CDH18: variants seen among roughly 807,000 people sequenced by gnomAD.
CDH18 encodes cadherin 18, also known as cadherin-18.
A neutral mutation model predicts 67.9 loss-of-function variants in CDH18; 31 were observed. That is an observed-to-expected ratio of 0.46 (90% confidence interval 0.34 to 0.62). The LOEUF is 0.62. CDH18 is among the 20% of genes least tolerant of loss of function. The pLI is 0.01. For missense variants in CDH18, 890 were observed against 975.5 expected, an observed-to-expected ratio of 0.91 and a Z score of 1.17; for synonymous variants, 362 against 347.2, an observed-to-expected ratio of 1.04 and a Z score of -0.48.
At chr5:19,974,290 G>C (rs906092863) in intron 2 of CDH18, among the ~76,000 whole-genome samples, 1 of 151,934 alleles carries the variant, frequency 6.6e-6, no homozygotes, top group African/African-American at 2.4e-5. Flanking sequence ...CCACCAATTT[G>C]GGAGGCCGAG....
At chr5:19,976,334 G>GA (rs1479739129) in intron 2 of CDH18, among the ~76,000 whole-genome samples, 2 of 151,940 alleles carry the variant, frequency 1.3e-5, no homozygotes, top group African/African-American at 2.4e-5. Context: ...CATAATTACA[G>GA]AAAAAAGAGT....
At chr5:20,157,549 C>G (rs1375014988) in intron 2 of CDH18, among the ~76,000 whole-genome samples, 1 of 151,826 alleles carries the variant, frequency 6.6e-6, no homozygotes, top group Admixed American at 6.6e-5. Flanking sequence ...GTTTCCATCA[C>G]TCAAATATTA....
rs145954583 is a variant in CDH18 at position 20,167,629 on chromosome 5, T to C, written c.-518+87815A>G. On this transcript the variant is annotated intron_variant, in intron 2 of 14. Coordinates refer to the CDH18 transcript ENST00000507958. ...ATGGTTCACCCAGAGTTGGAATCATTAGAAGAGAGTGCATTTACAAAGGAC... is the reference window on the plus strand; with the variant it reads ...ATGGTTCACCCAGAGTTGGAATCATCAGAAGAGAGTGCATTTACAAAGGAC... Among the ~76,000 whole-genome samples, 46 of 152,216 alleles carry C rather than the reference T, an allele frequency of 3.0e-4. No individual in the cohort carries two copies. The East Asian group carries it at 5.0e-3, about 17-fold the overall frequency.
intron 1 of CDH18, among the ~76,000 whole-genome samples, chr5:20,508,613 A>T (rs1326727003): frequency 1.3e-5 from 2 of 151,896 alleles, no homozygotes; most frequent in Non-Finnish European, 1.5e-5. Flanking sequence ...CAGGAGGTAA[A>T]GAAATAAGTT....
intron 8 of CDH18, among the ~76,000 whole-genome samples, chr5:19,569,335 T>G (rs983910954): frequency 6.6e-6 from 1 of 152,174 alleles, no homozygotes; most frequent in Middle Eastern, 3.2e-3. Context: ...CTCAATTCAA[T>G]TTTCTTCAGC....
At chr5:19,688,105 C>T (rs1761371882) in intron 5 of CDH18, among the ~76,000 whole-genome samples, 1 of 152,186 alleles carries the variant, frequency 6.6e-6, no homozygotes, top group African/African-American at 2.4e-5. Context: ...GCTTAGGAGC[C>T]TAAGGGTTTT....
chr5:20,386,160 G>T (rs940808252), intron 1 of CDH18, among the ~76,000 whole-genome samples: 1 of 152,190 alleles, frequency 6.6e-6, no homozygotes, highest in Admixed American at 6.5e-5. Context: ...AATGAACAAC[G>T]TAGAGAGCAT....
chr5:19,755,720 A>C (rs1771519907), intron 3 of CDH18, among the ~76,000 whole-genome samples: 1 of 151,630 alleles, frequency 6.6e-6, no homozygotes, highest in South Asian at 2.1e-4. Context: ...AAGGAGAGCC[A>C]GTCCAAGTCC....
At chr5:19,542,721 G>A (rs958035204) in intron 9 of CDH18, among the ~76,000 whole-genome samples, 2 of 152,010 alleles carry the variant, frequency 1.3e-5, no homozygotes, top group Non-Finnish European at 2.9e-5. Flanking sequence ...AATTTATAGA[G>A]ACAGAAAGTC....
At chr5:19,618,514 G>A (rs1209793463) in intron 5 of CDH18, among the ~76,000 whole-genome samples, 3 of 152,044 alleles carry the variant, frequency 2.0e-5, no homozygotes, top group African/African-American at 7.2e-5. Context: ...CCTACTTTTG[G>A]TTCTTTTTCT....
intron 10 of CDH18, among the ~76,000 whole-genome samples, chr5:19,519,167 T>A (rs2126889449): frequency 6.6e-6 from 1 of 152,300 alleles, no homozygotes; most frequent in East Asian, 1.9e-4. Context: ...TTTGCTTAAA[T>A]AAGCCCTTTT....
intron 5 of CDH18, among the ~76,000 whole-genome samples, chr5:19,680,694 T>C (rs1376697585): frequency 6.6e-6 from 1 of 151,720 alleles, no homozygotes; most frequent in Non-Finnish European, 1.5e-5. Context: ...ATTAGAGAAA[T>C]GCAAATCAAA....
Position 19,614,002 on chromosome 5 carries a change from C to T in CDH18, c.644-1401G>A, listed in dbSNP as rs189561085. Among the ~76,000 whole-genome samples, 12 of 152,098 alleles carry T rather than the reference C, an allele frequency of 7.9e-5. No individual in the cohort carries two copies. In the East Asian group the frequency reaches 9.7e-4, roughly 12 times the overall value. On this transcript the variant is annotated intron_variant, in intron 5 of 12. Coordinates refer to ENST00000382275, the MANE Select transcript of CDH18 (RefSeq NM_004934.5). Reference sequence around the variant, plus strand: ...TACACCAATGACTTTCAATCAAACTCGCACTTGATTAGTTACAGTACAATT... The same window carrying T: ...TACACCAATGACTTTCAATCAAACTTGCACTTGATTAGTTACAGTACAATT...
chr5:19,755,364 C>T (rs2149683160), intron 3 of CDH18, among the ~76,000 whole-genome samples: 1 of 143,374 alleles, frequency 7.0e-6, no homozygotes, highest in South Asian at 2.2e-4. Flanking sequence ...ACCAGAGAAA[C>T]ACAAAAGTTC....
intron 2 of CDH18, among the ~76,000 whole-genome samples, chr5:20,084,885 T>G (rs925090915): frequency 4.6e-5 from 7 of 152,072 alleles, no homozygotes; most frequent in Non-Finnish European, 1.5e-5. Context: ...AGGAAACCAC[T>G]TTTTCCTCCT....
chr5:20,405,732 A>C (rs1475719660), intron 1 of CDH18, among the ~76,000 whole-genome samples: 2 of 152,200 alleles, frequency 1.3e-5, no homozygotes, highest in East Asian at 3.9e-4. Flanking sequence ...AACTCAAACA[A>C]ATTTACAAGA....
At chr5:19,836,801 G>A (rs1781697256) in intron 3 of CDH18, among the ~76,000 whole-genome samples, 1 of 152,008 alleles carries the variant, frequency 6.6e-6, no homozygotes, top group Non-Finnish European at 1.5e-5. Flanking sequence ...TATGGTTATA[G>A]GTCTTAGATT....
chr5:20,184,461 C>G, intron 2 of CDH18, among the ~76,000 whole-genome samples: 1 of 152,054 alleles, frequency 6.6e-6, no homozygotes, highest in Middle Eastern at 3.2e-3. Flanking sequence ...AACGATGACT[C>G]TTTTCTAATA....
At chr5:20,234,087 G>T (rs1056934935) in intron 2 of CDH18, among the ~76,000 whole-genome samples, 3 of 152,088 alleles carry the variant, frequency 2.0e-5, no homozygotes, top group Non-Finnish European at 4.4e-5. Flanking sequence ...GAGAAAAAAA[G>T]AATATTTTCA....
Sources: allele counts gnomAD v4.1 joint callset (sites outside exome capture counted in the v4.1 genomes callset), GRCh38; gene constraint gnomAD v4.1.1; transcripts MANE v1.5; gene names NCBI Gene and HGNC (gene_info 2026-07-23, HGNC 2026-07-21).